The following CNTNAP3B variants were observed in gnomAD, a reference collection of about 807,000 sequenced individuals.
CNTNAP3B encodes contactin-associated protein-like 3B.
Under a neutral mutation model 108.9 loss-of-function variants are expected in CNTNAP3B, and 25 were observed. The ratio of observed to expected loss-of-function variants is 0.23; its 90% confidence interval spans 0.17 to 0.32. The LOEUF is 0.32. CNTNAP3B is among the 10% of genes least tolerant of loss of function. CNTNAP3B has a pLI of 1.00. For synonymous variants in CNTNAP3B, 103 were observed against 473.4 expected, an observed-to-expected ratio of 0.22 and a Z score of 10.16; for missense variants, 252 against 1,210.4, an observed-to-expected ratio of 0.21 and a Z score of 11.75.
intron 1 of CNTNAP3B, among the ~76,000 whole-genome samples, chr9:42,122,671 A>C (rs1204824255): frequency 7.1e-6 from 1 of 141,104 alleles, no homozygotes; most frequent in East Asian, 2.1e-4. Context: ...AAAGATGAGA[A>C]TCATCAAACA....
chr9:42,128,024 G>A (rs1197477592), intron 1 of CNTNAP3B, among the ~76,000 whole-genome samples: 1 of 139,060 alleles, frequency 7.2e-6, no homozygotes, highest in Admixed American at 7.2e-5. Context: ...GCTGACAGCA[G>A]GGAGATGCCA....
chr9:41,913,345 TTAA>T (rs1823448620), intron 18 of CNTNAP3B, among the ~76,000 whole-genome samples: 1 of 118,520 alleles, frequency 8.4e-6, no homozygotes, highest in Non-Finnish European at 1.9e-5. Context: ...CGATGAACAT[TTAA>T]TATTATTATT....
At chr9:42,056,346 T>C (rs1323388892) in intron 3 of CNTNAP3B, among the ~76,000 whole-genome samples, 1 of 139,010 alleles carries the variant, frequency 7.2e-6, no homozygotes, top group African/African-American at 2.7e-5. Context: ...TTATTATTAT[T>C]ATTATTATTA....
In CNTNAP3B at chr9:42,097,139, C is replaced by T. The variant is rs1333199079; in HGVS notation, c.196+7490G>A. 7.8e-5 allele frequency among the ~76,000 whole-genome samples: 11 copies of T among 140,148 alleles called. 1 individual carries two copies. The highest frequency in any genetic ancestry group is 6.9e-4 in the South Asian group (3 of 4,376). The allele number at this position is 140,148 out of a possible 152,430, so 91.9% of individuals were successfully genotyped here. On this transcript the variant is annotated intron_variant, in intron 2 of 23. Coordinates refer to ENST00000377561, the MANE Select transcript of CNTNAP3B (RefSeq NM_001201380.3). ...CTGCTTCTCTTTCACTCATAAAATTCACCAAGTTCACATTGGAAAACATTA... is the reference window on the plus strand; with the variant it reads ...CTGCTTCTCTTTCACTCATAAAATTTACCAAGTTCACATTGGAAAACATTA...
At position 42,125,706 on chromosome 9, in the gene CNTNAP3B, C is replaced by T. The variant is rs547213622; in HGVS notation, c.85+3304G>A. Reference sequence around the variant, plus strand: ...TTTTTTTTGAGACAGAGTCTCACTCCGTCACCCAGGCTGGAGTGCAGTGGC... The same window carrying T: ...TTTTTTTTGAGACAGAGTCTCACTCTGTCACCCAGGCTGGAGTGCAGTGGC... On this transcript the variant is annotated intron_variant, in intron 1 of 23. Transcript: ENST00000377561. 4.0e-3 allele frequency among the ~76,000 whole-genome samples: 513 copies of T among 129,520 alleles called. 75 individuals carry two copies. Among genetic ancestry groups the T allele is most frequent in the African/African-American group, 0.015 (470 of 31,604 alleles). 85.0% of individuals were successfully genotyped at this position (129,520 alleles called of 152,430 possible). A position where few individuals can be genotyped will look rare whatever the true frequency, so the allele number is the denominator to read the frequency against.
chr9:42,043,067 T>A lies in CNTNAP3B; in HGVS notation c.391-29542A>T, dbSNP rs577378057. Among the ~76,000 whole-genome samples the A allele has an allele frequency of 1.7e-4, 25 of 148,518 alleles. No individual in the cohort carries two copies. The South Asian group carries it at 5.4e-3, about 32-fold the overall frequency. On this transcript the variant is annotated intron_variant, in intron 3 of 23. Transcript: ENST00000377561. Reference sequence around the variant, plus strand: ...CTTCCTTAAGCCCTTTGCTCAGAGATGGTCAGTATTTCATTGTCATGACAA... The same window carrying A: ...CTTCCTTAAGCCCTTTGCTCAGAGAAGGTCAGTATTTCATTGTCATGACAA...
rs1358796488 is a variant in CNTNAP3B, at chr9:41,981,234, TCA to T, written c.1477+4932_1477+4933del. Among the ~76,000 whole-genome samples, 4 of 134,570 alleles carry T rather than the reference TCA, an allele frequency of 3.0e-5. 1 individual carries two copies. The South Asian group carries it at 7.3e-4, about 25-fold the overall frequency. The allele number at this position is 134,570 out of a possible 152,430, so 88.3% of individuals were successfully genotyped here. A position where few individuals can be genotyped will look rare whatever the true frequency, so the allele number is the denominator to read the frequency against. ...AATTACAAAACACTGCTCAAAGAAA[TCA>T]CAGATGACATACAAATGGAAAAACA... is the stretch of plus-strand genomic sequence containing the variant. On this transcript the variant is annotated intron_variant, in intron 9 of 23. Coordinates refer to ENST00000377561, the MANE Select transcript of CNTNAP3B (RefSeq NM_001201380.3).
chr9:41,969,030 T>G (rs1825364937), intron 10 of CNTNAP3B, among the ~76,000 whole-genome samples: 1 of 152,416 alleles, frequency 6.6e-6, no homozygotes, highest in South Asian at 2.1e-4. Flanking sequence ...TCTCCTGACC[T>G]CGTGATCCGC....
chr9:41,925,947 G>A (rs1466685759), intron 15 of CNTNAP3B, among the ~76,000 whole-genome samples: 1 of 152,380 alleles, frequency 6.6e-6, no homozygotes, highest in Admixed American at 6.5e-5. Flanking sequence ...AGATCTGCAG[G>A]CTATTTACTA....
At chr9:41,966,518 T>C (rs867639549) in intron 10 of CNTNAP3B, among the ~76,000 whole-genome samples, 59 of 152,324 alleles carry the variant, frequency 3.9e-4, no homozygotes, top group African/African-American at 1.3e-3. Context: ...AGCAGCCTGG[T>C]CAGCACAGCC....
intron 3 of CNTNAP3B, among the ~76,000 whole-genome samples, chr9:42,014,774 G>T (rs1443712202): frequency 1.7e-5 from 1 of 58,956 alleles, no homozygotes; most frequent in African/African-American, 8.2e-5. Context: ...CTGGGCAACA[G>T]AGGTAGACTC....
chr9:41,937,421 C>A (rs1464198585), intron 14 of CNTNAP3B, among the ~76,000 whole-genome samples: 4 of 151,236 alleles, frequency 2.6e-5, no homozygotes, highest in South Asian at 2.1e-4. Flanking sequence ...GCCACAGTGC[C>A]TGGCCTAAGT....
chr9:42,072,993 C>G (rs1827407098), intron 3 of CNTNAP3B, among the ~76,000 whole-genome samples: 1 of 139,270 alleles, frequency 7.2e-6, no homozygotes, highest in Admixed American at 7.1e-5. Flanking sequence ...GCAAATAGCC[C>G]CAAAGTCAGT....
intron 3 of CNTNAP3B, among the ~76,000 whole-genome samples, chr9:42,024,640 A>T (rs1353369517): frequency 2.3e-5 from 3 of 128,162 alleles, no homozygotes; most frequent in African/African-American, 9.0e-5. Context: ...GGTCAGAAGA[A>T]ATTACAGAAT....
In CNTNAP3B at chr9:41,945,439, A is replaced by G. The variant is rs1824502322; in HGVS notation, c.2081-7039T>C. ...TACCATGGAATACTATGCAGCCATG[A>G]AAAAGGATGAGTTCATGTCCTTTGT... On this transcript the variant is annotated intron_variant, in intron 13 of 23. Coordinates refer to ENST00000377561, the MANE Select transcript of CNTNAP3B (RefSeq NM_001201380.3). 2.0e-5 allele frequency among the ~76,000 whole-genome samples: 3 copies of G among 152,420 alleles called. No individual in the cohort carries two copies. The South Asian group carries it at 6.2e-4, about 32-fold the overall frequency.
At chr9:42,126,625 T>G (rs1828576327) in intron 1 of CNTNAP3B, among the ~76,000 whole-genome samples, 1 of 136,066 alleles carries the variant, frequency 7.3e-6, no homozygotes, top group African/African-American at 3.0e-5. Flanking sequence ...GCTGGAGTGC[T>G]ATGGTGGGAT....
chr9:42,084,073 AAG>A (rs1215265612), intron 2 of CNTNAP3B, among the ~76,000 whole-genome samples: 1 of 148,678 alleles, frequency 6.7e-6, no homozygotes, highest in Non-Finnish European at 1.5e-5. Context: ...AAATATCAGA[AAG>A]AGCCCTAAAG....
At chr9:42,061,327 T>A (rs1420345942) in intron 3 of CNTNAP3B, among the ~76,000 whole-genome samples, 4 of 127,732 alleles carry the variant, frequency 3.1e-5, no homozygotes, top group Non-Finnish European at 6.6e-5. Flanking sequence ...CTTTTTTTTT[T>A]TTTTTTTTTT....
Position 42,036,378 on chromosome 9 carries a change from G to A in CNTNAP3B, c.391-22853C>T, listed in dbSNP as rs1486187240. ...CACACGTATTTTATTTTTGCACAGT[G>A]CACGTTTTCTCCAACTTCTTTTTTC... is the stretch of plus-strand genomic sequence containing the variant. On this transcript the variant is annotated intron_variant, in intron 3 of 23. Coordinates refer to ENST00000377561, the MANE Select transcript of CNTNAP3B (RefSeq NM_001201380.3). Among the ~76,000 whole-genome samples the A allele has an allele frequency of 2.1e-5, 3 of 140,280 alleles. 1 individual carries two copies. Among genetic ancestry groups the A allele is most frequent in the Non-Finnish European group, 4.6e-5 (3 of 65,194 alleles). 92.0% of individuals were successfully genotyped at this position (140,280 alleles called of 152,430 possible).
Sources: allele counts gnomAD v4.1 joint callset (sites outside exome capture counted in the v4.1 genomes callset), GRCh38; gene constraint gnomAD v4.1.1; transcripts MANE v1.5; gene names NCBI Gene and HGNC (gene_info 2026-07-23, HGNC 2026-07-21).